The following DMD variants were observed in gnomAD, a reference collection of about 807,000 sequenced individuals.
The protein encoded by DMD is mutant dystrophin.
DMD carries 63 observed loss-of-function variants against 330.1 expected under a neutral mutation model. That is an observed-to-expected ratio of 0.19 (90% confidence interval 0.16 to 0.24). The LOEUF (loss-of-function observed/expected upper bound fraction) is 0.24, where lower values mean the gene tolerates loss of function less well. Ranked by LOEUF, DMD falls within the 10% of genes least tolerant of loss-of-function variation. The pLI is 1.00. For synonymous variants in DMD, 1,223 were observed against 959.8 expected (o/e 1.27, Z -5.07); for missense variants, 3,344 against 2,684.1 (o/e 1.25, Z -5.43).
chrX:32,197,171 T>C (rs1306160427), intron 44 of DMD, among the ~76,000 whole-genome samples: 1 of 110,006 alleles, frequency 9.1e-6, no homozygotes, highest in Non-Finnish European at 1.9e-5. Context: ...CCTCTCTTTT[T>C]TATTTTAATT....
At chrX:32,632,798 C>A (rs1292202353) in intron 11 of DMD, among the ~76,000 whole-genome samples, 2 of 112,259 alleles carry the variant, frequency 1.8e-5, no homozygotes, top group Admixed American at 1.9e-4. Flanking sequence ...GACCCTGGGC[C>A]TGGCCCAGGA....
chrX:31,539,959 T>C (rs1032191763), intron 55 of DMD, among the ~76,000 whole-genome samples: 4 of 111,307 alleles, frequency 3.6e-5, no homozygotes, highest in Non-Finnish European at 7.5e-5. Flanking sequence ...AGGAACTTCT[T>C]AGGGGTGGGA....
At chrX:31,483,277 A>T (rs1162939692) in intron 57 of DMD, among the ~76,000 whole-genome samples, 1 of 109,093 alleles carries the variant, frequency 9.2e-6, no homozygotes, top group Non-Finnish European at 1.9e-5. Context: ...CCATCTCCCA[A>T]CCTCGTGATC....
intron 20 of DMD, among the ~76,000 whole-genome samples, chrX:32,491,046 C>T (rs190903582): frequency 8.9e-6 from 1 of 112,580 alleles, no homozygotes; most frequent in African/African-American, 3.2e-5. Context: ...CGCAAACCGA[C>T]ACAATCAATT....
chrX:31,630,479 A>T lies in DMD; in HGVS notation c.8028-2617T>A, dbSNP rs762195368. 6.3e-5 allele frequency among the ~76,000 whole-genome samples: 7 copies of T among 111,002 alleles called. No individual in the cohort carries two copies. In the East Asian group the frequency reaches 2.0e-3, roughly 31 times the overall value. ...TGTGTGGGGGTTTTACGGCTTCAAC[A>T]TTTCTCTCGGAATCTATGTGTGTGT... is the stretch of plus-strand genomic sequence containing the variant. On this transcript the variant is annotated intron_variant, in intron 54 of 78. Coordinates refer to ENST00000357033, the MANE Select transcript of DMD (RefSeq NM_004006.3).
chrX:32,626,319 T>TCC (rs1569335653), intron 11 of DMD, among the ~76,000 whole-genome samples: 4 of 104,571 alleles, frequency 3.8e-5, no homozygotes, highest in African/African-American at 1.6e-4. Context: ...ATACAAAAAT[T>TCC]AGCTGGGCGT....
chrX:32,065,121 A>G lies in DMD; in HGVS notation c.6439-96607T>C, dbSNP rs189989806. On this transcript the variant is annotated intron_variant, in intron 44 of 78. Transcript: ENST00000357033. ...TTAGAATCACTTCTTTTGGCCTTGG[A>G]ATTAATGAATTTTCATTAAAATTTA... 1.5e-3 allele frequency among the ~76,000 whole-genome samples: 167 copies of G among 111,420 alleles called. 1 individual carries two copies. The highest frequency in any genetic ancestry group is 5.1e-3 in the African/African-American group (158 of 30,784).
intron 60 of DMD, among the ~76,000 whole-genome samples, chrX:31,443,892 G>A (rs955126661): frequency 8.9e-6 from 1 of 111,732 alleles, no homozygotes; most frequent in Non-Finnish European, 1.9e-5. Flanking sequence ...GCTACACAGA[G>A]TTTGGATGTT....
At chrX:31,137,270 C>T (rs143760218) in intron 76 of DMD, among the ~76,000 whole-genome samples, 1,845 of 112,038 alleles carry the variant, frequency 0.016, 41 homozygotes, top group African/African-American at 0.056. Context: ...CCACCTGCCT[C>T]GGCCTCCCAA....
At chrX:31,356,225 T>C (rs1166876137) in intron 60 of DMD, among the ~76,000 whole-genome samples, 1 of 111,880 alleles carries the variant, frequency 8.9e-6, no homozygotes, top group African/African-American at 3.2e-5. Context: ...ACTTATGGCA[T>C]TGATACTAAT....
chrX:33,007,768 T>C (rs2093425243), intron 2 of DMD, among the ~76,000 whole-genome samples: 1 of 111,575 alleles, frequency 9.0e-6, no homozygotes, highest in Admixed American at 9.6e-5. Flanking sequence ...CAAAGCATGT[T>C]TCCTTAAATA....
chrX:31,625,980 T>C (rs992410485), intron 55 of DMD, among the ~76,000 whole-genome samples: 1 of 111,002 alleles, frequency 9.0e-6, no homozygotes, highest in Non-Finnish European at 1.9e-5. Context: ...CCATGTATTT[T>C]TATTTATTTA....
chrX:32,460,657 C>T (rs1486469746), intron 25 of DMD, among the ~76,000 whole-genome samples: 1 of 110,866 alleles, frequency 9.0e-6, no homozygotes, highest in Non-Finnish European at 1.9e-5. Context: ...CAGATGTTTT[C>T]TCCACTTCAT....
intron 78 of DMD, among the ~76,000 whole-genome samples, chrX:31,122,145 T>TATC (rs2032714734): frequency 8.9e-6 from 1 of 111,988 alleles, no homozygotes; most frequent in African/African-American, 3.2e-5. Flanking sequence ...TGTTTGTTAG[T>TATC]ATCAGCTTAA....
chrX:31,374,788 A>G (rs2059798815), intron 60 of DMD, among the ~76,000 whole-genome samples: 2 of 109,417 alleles, frequency 1.8e-5, no homozygotes, highest in South Asian at 8.1e-4. Flanking sequence ...TAACCTGCAC[A>G]TTGTGCACAT....
chrX:33,324,604 C>T (rs1295343117), intron 1 of DMD, among the ~76,000 whole-genome samples: 1 of 111,236 alleles, frequency 9.0e-6, no homozygotes, highest in Non-Finnish European at 1.9e-5. Context: ...CTGATGCTGG[C>T]TTCCATCCTA....
intron 47 of DMD, among the ~76,000 whole-genome samples, chrX:31,918,499 G>A (rs898606187): frequency 3.6e-5 from 4 of 111,664 alleles, no homozygotes; most frequent in Non-Finnish European, 5.6e-5. Flanking sequence ...AACCACACGC[G>A]AACTGAGAAG....
At chrX:31,236,768 T>G (rs1287730607) in intron 63 of DMD, among the ~76,000 whole-genome samples, 2 of 112,289 alleles carry the variant, frequency 1.8e-5, no homozygotes, top group African/African-American at 6.5e-5. Flanking sequence ...TCTTTAGAGT[T>G]AATGAAATGT....
chrX:32,847,097 T>C (rs1368292914), intron 3 of DMD, among the ~76,000 whole-genome samples: 1 of 112,275 alleles, frequency 8.9e-6, no homozygotes, highest in Admixed American at 9.5e-5. Context: ...ATGGTAATTA[T>C]AGGACTTTAA....
Sources: allele counts gnomAD v4.1 joint callset (sites outside exome capture counted in the v4.1 genomes callset), GRCh38; gene constraint gnomAD v4.1.1; transcripts MANE v1.5; gene names NCBI Gene and HGNC (gene_info 2026-07-23, HGNC 2026-07-21).